Variants in COL19A1 observed in about 807,000 individuals in gnomAD.
COL19A1 encodes collagen type XIX alpha 1 chain.
COL19A1 carries 159 observed loss-of-function variants against 190.2 expected under a neutral mutation model. The observed-to-expected ratio is 0.84, with a 90% CI of 0.73 to 0.95. COL19A1 has a LOEUF of 0.95. COL19A1 is among the 40% of genes least tolerant of loss of function. COL19A1 has a pLI of 0.00. For missense variants in COL19A1, 1,418 were observed against 1,431.9 expected, an observed-to-expected ratio of 0.99 and a Z score of 0.16; for synonymous variants, 509 against 458.9, an observed-to-expected ratio of 1.11 and a Z score of -1.39.
chr6:69,919,483 T>G (rs1427579048), intron 4 of COL19A1, among the ~76,000 whole-genome samples: 1 of 152,150 alleles, frequency 6.6e-6, no homozygotes, highest in Non-Finnish European at 1.5e-5. Flanking sequence ...CTCTATCTCA[T>G]GCCAAGATCT....
At chr6:70,035,137 C>G (rs1779280351) in intron 13 of COL19A1, among the ~76,000 whole-genome samples, 1 of 152,188 alleles carries the variant, frequency 6.6e-6, no homozygotes, top group African/African-American at 2.4e-5. Context: ...CCACGCTATA[C>G]AGTACAGGGC....
At chr6:70,023,068 C>A (rs982507525) in intron 11 of COL19A1, among the ~76,000 whole-genome samples, 1 of 150,318 alleles carries the variant, frequency 6.7e-6, no homozygotes, top group South Asian at 2.1e-4. Context: ...CCAGAAAGTT[C>A]TTTGTTGCTT....
intron 16 of COL19A1, among the ~76,000 whole-genome samples, chr6:70,115,825 G>GTT (rs57814985): frequency 0.082 from 9,505 of 116,516 alleles, 549 homozygotes; most frequent in Non-Finnish European, 0.093. Context: ...TTGGTGTTTT[G>GTT]TTTTTTTTTT....
At chr6:70,054,274 C>A (rs926209804) in intron 14 of COL19A1, among the ~76,000 whole-genome samples, 1 of 152,154 alleles carries the variant, frequency 6.6e-6, no homozygotes, top group South Asian at 2.1e-4. Context: ...CACTTGAACC[C>A]AGGAGGCGGA....
rs57814985 is a variant in COL19A1, at chr6:70,115,825, G to GTTTTTT, written c.1279-6043_1279-6038dup. Among the ~76,000 whole-genome samples, 381 of 117,068 alleles carry GTTTTTT rather than the reference G, an allele frequency of 3.3e-3. 11 individuals are homozygous for GTTTTTT. The highest frequency in any genetic ancestry group is 0.031 in the Admixed American group (329 of 10,726). The allele number at this position is 117,068 out of a possible 152,430, so 76.8% of individuals were successfully genotyped here. A position where few individuals can be genotyped will look rare whatever the true frequency, so the allele number is the denominator to read the frequency against. On this transcript the variant is annotated intron_variant, in intron 16 of 50. Transcript: ENST00000620364. ...TTTTTGTTTTGTTTTTTGGTGTTTT[G>GTTTTTT]TTTTTTTTTTTTTTTTTGGTGGGGA...
chr6:69,921,436 C>CATATATCATATATATCATATATG (rs1561998232), intron 4 of COL19A1, among the ~76,000 whole-genome samples: 11 of 121,328 alleles, frequency 9.1e-5, no homozygotes, highest in African/African-American at 3.3e-4. Flanking sequence ...TCATATATAT[C>CATATATCATATATATCATATATG]ATATATATCA....
intron 11 of COL19A1, among the ~76,000 whole-genome samples, chr6:69,986,495 A>G (rs1042041186): frequency 6.6e-6 from 1 of 152,126 alleles, no homozygotes; most frequent in Non-Finnish European, 1.5e-5. Flanking sequence ...CCCCTGGATC[A>G]GAAGTCTAGG....
intron 14 of COL19A1, among the ~76,000 whole-genome samples, chr6:70,061,281 G>A (rs1343340163): frequency 1.3e-5 from 2 of 152,090 alleles, no homozygotes; most frequent in Non-Finnish European, 2.9e-5. Flanking sequence ...TTCTCAAAAT[G>A]TTCTGAAGAT....
At chr6:69,877,545 A>G (rs1768205789) in intron 1 of COL19A1, among the ~76,000 whole-genome samples, 1 of 152,224 alleles carries the variant, frequency 6.6e-6, no homozygotes, top group Admixed American at 6.5e-5. Context: ...TGATTATTCA[A>G]TCCAATAACA....
At chr6:70,043,790 G>A (rs1309122156) in intron 14 of COL19A1, among the ~76,000 whole-genome samples, 1 of 152,184 alleles carries the variant, frequency 6.6e-6, no homozygotes, top group Non-Finnish European at 1.5e-5. Context: ...GGTAAATGTA[G>A]CATAACTCTT....
intron 14 of COL19A1, among the ~76,000 whole-genome samples, chr6:70,063,730 G>A (rs188281364): frequency 1.6e-4 from 24 of 152,150 alleles, no homozygotes; most frequent in South Asian, 4.2e-4. Flanking sequence ...TTGATAGACC[G>A]CTAGCAAGAC....
At position 69,879,665 on chromosome 6, in the gene COL19A1, A is replaced by G. The variant is rs1466455667; in HGVS notation, c.91+7A>G. 1 of 1,613,530 alleles carries G rather than the reference A, an allele frequency of 6.2e-7. No individual in the cohort carries two copies. Among genetic ancestry groups the G allele is most frequent in the Non-Finnish European group, 8.5e-7 (1 of 1,179,490 alleles). ...ACCGTTAGGGACAAGACAGGTATCC[A>G]GGCCAACTCTTTGCCTAATCACCAA... On this transcript the variant is annotated splice_region_variant and intron_variant, in intron 2 of 50. Transcript: ENST00000620364.
At chr6:70,204,098 T>C (rs1369596395) in intron 49 of COL19A1, among the ~76,000 whole-genome samples, 2 of 152,164 alleles carry the variant, frequency 1.3e-5, no homozygotes, top group East Asian at 3.9e-4. Context: ...TGACCTCAGG[T>C]GATCCACCCA....
rs749465076 is a variant in COL19A1, at chr6:69,932,814, G to A, written c.698G>A (p.Ser233Asn). Reference protein sequence around the residue: ...IELHQLKIYCSANLIAQETCC... With the variant: ...IELHQLKIYCNANLIAQETCC... ...CTTCACCAACTTAAAATCTACTGCAGTGCAAACCTCATAGCTCAAGAAACA... is the reference window on the plus strand; with the variant it reads ...CTTCACCAACTTAAAATCTACTGCAATGCAAACCTCATAGCTCAAGAAACA... Residue 233 changes from serine (S) to asparagine (N), a missense_variant, in exon 7 of 51, where the codon AGT (serine) becomes AAT (asparagine). Transcript: ENST00000620364. 1 of 1,608,628 alleles carries A rather than the reference G, an allele frequency of 6.2e-7. No homozygotes were observed. Among genetic ancestry groups the A allele is most frequent in the Non-Finnish European group, 8.5e-7 (1 of 1,176,726 alleles).
intron 27 of COL19A1, among the ~76,000 whole-genome samples, chr6:70,148,841 C>T (rs62420159): frequency 0.25 from 37,151 of 151,560 alleles, 4,698 homozygotes; most frequent in Non-Finnish European, 0.26. Flanking sequence ...GCAGGAGAAT[C>T]GCTTGAACCC....
At chr6:70,006,057 T>C (rs1777601144) in intron 11 of COL19A1, among the ~76,000 whole-genome samples, 1 of 152,090 alleles carries the variant, frequency 6.6e-6, no homozygotes, top group Non-Finnish European at 1.5e-5. Flanking sequence ...TCAGTCTCCC[T>C]TGAAAAGCCC....
At chr6:69,868,645 G>T (rs554557131) in intron 1 of COL19A1, among the ~76,000 whole-genome samples, 29 of 152,152 alleles carry the variant, frequency 1.9e-4, no homozygotes, top group Non-Finnish European at 3.5e-4. Context: ...GACTAAGAAA[G>T]AGCAAAAAGG....
At chr6:70,137,595 C>T in intron 18 of COL19A1, 90 bp from the exon 19 acceptor site, 2 of 1,177,698 alleles carry the variant, frequency 1.7e-6, no homozygotes, top group Middle Eastern at 2.0e-4. Flanking sequence ...GTATAGTTAG[C>T]AGGAGAGCAA....
intron 18 of COL19A1, among the ~76,000 whole-genome samples, chr6:70,136,742 T>C (rs1168904769): frequency 6.6e-6 from 1 of 152,182 alleles, no homozygotes; most frequent in African/African-American, 2.4e-5. Context: ...TTTGGGTACC[T>C]GGTACATGAA....
Sources: gnomAD v4.1 joint callset for allele counts (sites outside exome capture counted in the v4.1 genomes callset) on GRCh38, gnomAD v4.1.1 for gene constraint, MANE v1.5 for transcripts, NCBI Gene and HGNC (gene_info 2026-07-23, HGNC 2026-07-21) for gene names.